SPATA21: variants seen among roughly 807,000 people sequenced by gnomAD.
SPATA21 encodes the protein spermatogenesis-associated protein 21.
A neutral mutation model predicts 54.8 loss-of-function variants in SPATA21; 47 were observed. That is an observed-to-expected ratio of 0.86 (90% CI 0.68 to 1.09). SPATA21 has a LOEUF of 1.09. Among genes scored for constraint, SPATA21 ranks in the 50% least tolerant of loss-of-function variants. The probability of loss-of-function intolerance (pLI) is 0.00; values close to 1 mark genes in which losing one functional copy is unlikely to be tolerated. For synonymous variants in SPATA21, 245 were observed against 235.3 expected (o/e 1.04, Z -0.38); for missense variants, 599 against 596.4 (o/e 1.00, Z -0.05).
intron 3 of SPATA21, chr1:16,425,290 C>T (rs2086291216): frequency 4.6e-6 from 3 of 653,378 alleles, no homozygotes; most frequent in Admixed American, 2.1e-5. Flanking sequence ...TTGACATCTT[C>T]AGGGCACAGA....
chr1:16,409,813 T>C lies in SPATA21; in HGVS notation c.375A>G (p.Pro125=). The C allele has an allele frequency of 1.3e-6, 2 of 1,598,624 alleles. No homozygotes were observed. The highest frequency in any genetic ancestry group is 1.7e-6 in the Non-Finnish European group (2 of 1,173,046). The change falls in exon 6 of 13, where the codon CCA becomes CCG. Residue 125 remains proline (P), a synonymous_variant. Transcript: ENST00000335496. The surrounding 1 kb of genome is among the most constrained non-coding windows in gnomAD (Gnocchi z 4.1). Reference sequence around the variant, plus strand: ...CCGAGGCAGGGGTCTGAGGCAGGCTTGGAGCTGAGGTGGGCACCGGGGTCA... The same window carrying C: ...CCGAGGCAGGGGTCTGAGGCAGGCTCGGAGCTGAGGTGGGCACCGGGGTCA... The part of the protein sequence containing the change: ...RTLTPVPTSA[P]SLPQTPASVP...
At chr1:16,397,855 G>T (rs558570992), downstream of SPATA21, 3 of 315,232 alleles carry the variant, frequency 9.5e-6, no homozygotes, top group African/African-American at 2.2e-5. This position sits in a 1 kb window ranked among gnomAD's most constrained non-coding sequence, Gnocchi z 5.4. Flanking sequence ...CCATCTGGGG[G>T]TGCCCTGCTC....
intron 2 of SPATA21, 60 bp from the exon 3 acceptor site, chr1:16,431,482 AGCCCAC>A: frequency 6.6e-7 from 1 of 1,504,222 alleles, no homozygotes; most frequent in Non-Finnish European, 9.0e-7. Context: ...CTGCTTCAGG[AGCCCAC>A]TTGGAGCCTA....
At chr1:16,416,859 C>T (rs559549438) in intron 5 of SPATA21, among the ~76,000 whole-genome samples, 17 of 152,132 alleles carry the variant, frequency 1.1e-4, no homozygotes, top group Non-Finnish European at 2.4e-4. Context: ...CTGCTTTCTG[C>T]GGTCCCTCAG....
chr1:16,430,955 C>T (rs1322945944), intron 3 of SPATA21, among the ~76,000 whole-genome samples: 1 of 152,172 alleles, frequency 6.6e-6, no homozygotes, highest in Non-Finnish European at 1.5e-5. Context: ...GCAATCCCTG[C>T]CATCTTGCAG....
In SPATA21 at chr1:16,398,997, C is replaced by T. The variant is rs541703117; in HGVS notation, c.1353-175G>A. The stretch of plus-strand genomic sequence containing the variant: ...ATTCCAAGTCCAGAGCTCCCTTCCC[C>T]AGCGGCCTGGAGGGGGACTGCTGCA... On this transcript the variant is annotated intron_variant, in intron 12 of 12. Coordinates refer to ENST00000335496, the MANE Select transcript of SPATA21 (RefSeq NM_198546.1). 3.9e-5 allele frequency among the ~76,000 whole-genome samples: 6 copies of T among 152,282 alleles called. No homozygotes were observed. In the South Asian group the frequency reaches 1.2e-3, roughly 32 times the overall value.
intron 11 of SPATA21, 172 bp downstream of exon 11, chr1:16,400,548 G>A: frequency 7.0e-7 from 1 of 1,422,990 alleles, no homozygotes; most frequent in Non-Finnish European, 9.2e-7. Flanking sequence ...GGCCTGGATG[G>A]AAAATAGTGA....
At chr1:16,415,593 T>C (rs1207389902) in intron 5 of SPATA21, among the ~76,000 whole-genome samples, 1 of 152,170 alleles carries the variant, frequency 6.6e-6, no homozygotes, top group Non-Finnish European at 1.5e-5. Flanking sequence ...GGAGTCTCGC[T>C]CTGTCACCCA....
chr1:16,427,992 T>G, intron 3 of SPATA21: 1 of 1,549,572 alleles, frequency 6.5e-7, no homozygotes, highest in Non-Finnish European at 8.7e-7. Flanking sequence ...TGCTGCCCAC[T>G]TCCGAAGCAT....
chr1:16,419,061 G>A (rs1381370775), intron 5 of SPATA21, among the ~76,000 whole-genome samples: 1 of 152,210 alleles, frequency 6.6e-6, no homozygotes, highest in African/African-American at 2.4e-5. Context: ...TAATGTCGGA[G>A]GGAGAAAGTA....
chr1:16,402,887 C>A (rs896640949), intron 10 of SPATA21, among the ~76,000 whole-genome samples: 1 of 152,170 alleles, frequency 6.6e-6, no homozygotes, highest in Admixed American at 6.5e-5. Context: ...AATTGTATCA[C>A]TACACTTCAG....
intron 7 of SPATA21, among the ~76,000 whole-genome samples, chr1:16,406,046 A>C (rs1400845401): frequency 6.6e-6 from 1 of 152,104 alleles, no homozygotes. Context: ...AGCTGTTGGC[A>C]CTCAAACCAA....
chr1:16,435,543 C>G (rs2086565336), intron 1 of SPATA21, among the ~76,000 whole-genome samples: 1 of 152,050 alleles, frequency 6.6e-6, no homozygotes, highest in South Asian at 2.1e-4. Context: ...TCTCAAACCC[C>G]TGACCTCAGG....
chr1:16,426,998 A>G (rs182455410), intron 3 of SPATA21, among the ~76,000 whole-genome samples: 81 of 152,328 alleles, frequency 5.3e-4, no homozygotes, highest in Non-Finnish European at 9.6e-4. Context: ...CATATTTTAA[A>G]GATAACCATC....
intron 5 of SPATA21, among the ~76,000 whole-genome samples, chr1:16,410,340 G>T (rs1250944271): frequency 6.6e-6 from 1 of 152,076 alleles, no homozygotes; most frequent in Non-Finnish European, 1.5e-5. Flanking sequence ...TGACCTTCCA[G>T]GCTCGAGTGA....
intron 10 of SPATA21, among the ~76,000 whole-genome samples, chr1:16,401,114 T>C (rs933889099): frequency 6.6e-6 from 1 of 152,216 alleles, no homozygotes; most frequent in Non-Finnish European, 1.5e-5. Flanking sequence ...AGGGGTTCTC[T>C]CTACCCTGTC....
At position 16,431,810 on chromosome 1, in the gene SPATA21, G is replaced by A. The variant is rs576812893; in HGVS notation, c.-51-388C>T. Among the ~76,000 whole-genome samples, 3 of 152,264 alleles carry A rather than the reference G, an allele frequency of 2.0e-5. No individual in the cohort carries two copies. The East Asian group carries it at 5.8e-4, about 29-fold the overall frequency. On this transcript the variant is annotated intron_variant, in intron 2 of 12. Transcript: ENST00000335496. The stretch of plus-strand genomic sequence containing the variant: ...TTCAGATGCTCCAAGGGGTTCCAAG[G>A]CTAAATGCCTTTGGAAAGTGCTGTG...
At chr1:16,404,676 G>GCTA (rs2085571027) in intron 8 of SPATA21, among the ~76,000 whole-genome samples, 1 of 152,152 alleles carries the variant, frequency 6.6e-6, no homozygotes. Flanking sequence ...GCTGGGCATG[G>GCTA]TAGTGCGCCT....
In SPATA21 at chr1:16,433,100, A is replaced by G. The variant is rs112510190; in HGVS notation, c.-186-176T>C. On this transcript the variant is annotated intron_variant, in intron 1 of 12. Coordinates refer to ENST00000335496, the MANE Select transcript of SPATA21 (RefSeq NM_198546.1). Reference sequence around the variant, plus strand: ...AGTCATTCATTCATTTCCTTGTGCAATCGATAACTGTTTAATGACACGTGC... The same window carrying G: ...AGTCATTCATTCATTTCCTTGTGCAGTCGATAACTGTTTAATGACACGTGC... Among the ~76,000 whole-genome samples, 279 of 152,306 alleles carry G rather than the reference A, an allele frequency of 1.8e-3. 1 individual carries two copies. The highest frequency in any genetic ancestry group is 6.3e-3 in the African/African-American group (260 of 41,564).
Sources: gnomAD v4.1 joint callset for allele counts (sites outside exome capture counted in the v4.1 genomes callset) on GRCh38, gnomAD v4.1.1 for gene constraint, Gnocchi (gnomAD v3.1) non-coding constraint, MANE v1.5 for transcripts, NCBI Gene and HGNC (gene_info 2026-07-23, HGNC 2026-07-21) for gene names.